CORO2B: variants seen among roughly 807,000 people sequenced by gnomAD.
CORO2B encodes coronin 2B.
Under a neutral mutation model 58.8 loss-of-function variants are expected in CORO2B, and 26 were observed. The ratio of observed to expected loss-of-function variants is 0.44; its 90% CI spans 0.32 to 0.61. The LOEUF (loss-of-function observed/expected upper bound fraction) is 0.61, where lower values mean the gene tolerates loss of function less well. Among genes scored for constraint, CORO2B ranks in the 20% least tolerant of loss-of-function variants. The pLI is 0.04. For synonymous variants in CORO2B, 242 were observed against 253.8 expected (o/e 0.95, Z 0.44); for missense variants, 460 against 645.1 (o/e 0.71, Z 3.11).
intron 1 of CORO2B, among the ~76,000 whole-genome samples, chr15:68,621,963 A>G (rs1900535637): frequency 6.6e-6 from 1 of 151,900 alleles, no homozygotes; most frequent in Admixed American, 6.6e-5. Context: ...ATAGGTTCTC[A>G]CTATGTTGCC....
chr15:68,662,026 A>AAATAAATAAATT (rs1555414693), intron 2 of CORO2B, among the ~76,000 whole-genome samples: 10 of 149,448 alleles, frequency 6.7e-5, no homozygotes, highest in African/African-American at 2.2e-4. Context: ...ATAAATAAAT[A>AAATAAATAAATT]AATTAATTAA....
chr15:68,718,777 G>C lies in CORO2B; in HGVS notation c.1047G>C (p.Leu349=), dbSNP rs1201632255. 2 of 1,614,186 alleles carry C rather than the reference G, an allele frequency of 1.2e-6. No homozygotes were observed. Among genetic ancestry groups the C allele is most frequent in the Non-Finnish European group, 1.7e-6 (2 of 1,180,010 alleles). ...ACAAGCTGGTGACTCTCAAGGGCCT[G>C]ATCGAGCCCATCTCCATGATCGTGC... is the stretch of plus-strand genomic sequence containing the variant. The part of the protein sequence containing the change: ...RFYKLVTLKG[L]IEPISMIVPR... The change falls in exon 9 of 12, where the codon CTG becomes CTC. Residue 349 remains leucine, a synonymous_variant. Coordinates refer to ENST00000261861, the MANE Select transcript of CORO2B (RefSeq NM_006091.5).
intron 1 of CORO2B, among the ~76,000 whole-genome samples, chr15:68,603,685 C>T (rs932193563): frequency 6.6e-6 from 1 of 152,164 alleles, no homozygotes; most frequent in Non-Finnish European, 1.5e-5. Context: ...ACTCTCTCCG[C>T]ATCTGCACAG....
At chr15:68,549,948 A>T in the CORO2B span, among the ~76,000 whole-genome samples, 4 of 139,688 alleles carry the variant, frequency 2.9e-5, no homozygotes, top group Admixed American at 2.2e-4. Flanking sequence ...CTCAAAAAAT[A>T]AAATAAAATA....
intron 1 of CORO2B, among the ~76,000 whole-genome samples, chr15:68,640,400 G>A (rs770536290): frequency 1.3e-5 from 2 of 152,036 alleles, no homozygotes; most frequent in Non-Finnish European, 2.9e-5. Context: ...AGTTTACAAG[G>A]GATACAGGAA....
chr15:68,645,108 C>A lies in CORO2B; in HGVS notation c.16-52C>A. ...CCTCCCCCAAGAGCCCAGCCGAGGC[C>A]CTTCATGGCACAGGGCCCAGCCTGA... On this transcript the variant is annotated intron_variant, in intron 1 of 11. Transcript: ENST00000261861. The surrounding 1 kb of genome is among the most constrained non-coding windows in gnomAD (Gnocchi z 4.5). 1.9e-6 allele frequency: 3 copies of A among 1,582,882 alleles called. No individual in the cohort carries two copies. The highest frequency in any genetic ancestry group is 2.6e-6 in the Non-Finnish European group (3 of 1,159,412).
chr15:68,527,664 T>C, the CORO2B span, among the ~76,000 whole-genome samples: 3 of 152,218 alleles, frequency 2.0e-5, no homozygotes, highest in Non-Finnish European at 4.4e-5. Flanking sequence ...CTTTTGCATA[T>C]AAATTTTACA....
At chr15:68,534,331 C>T in the CORO2B span, among the ~76,000 whole-genome samples, 13 of 151,318 alleles carry the variant, frequency 8.6e-5, no homozygotes, top group Admixed American at 3.9e-4. Context: ...TACACACATG[C>T]AGTCCTCTCC....
Position 68,579,234 on chromosome 15 carries a change from G to T in CORO2B, c.-29G>T. On this transcript the variant is annotated 5_prime_UTR_variant, in exon 1 of 12. Coordinates refer to ENST00000261861, the MANE Select transcript of CORO2B (RefSeq NM_006091.5). The stretch of plus-strand genomic sequence containing the variant: ...GCCGCCGCCCCCGCACGCCGCGCCC[G>T]CGCCCCCGCTCCGCCGCGGAGTTTC... 8.8e-7 allele frequency: 1 copy of T among 1,132,344 alleles called. No homozygotes were observed. The allele number at this position is 1,132,344 out of a possible 1,614,324, so 70.1% of individuals were successfully genotyped here. A position where few individuals can be genotyped will look rare whatever the true frequency, so the allele number is the denominator to read the frequency against.
the CORO2B span, chr15:68,559,669 T>A: frequency 1.0e-6 from 1 of 980,282 alleles, no homozygotes. The surrounding 1 kb of genome is among the most constrained non-coding windows in gnomAD (Gnocchi z 4.3). Flanking sequence ...TGGGCCTCCG[T>A]TTCCGGTTTT....
chr15:68,709,078 C>G (rs1892850716), intron 3 of CORO2B, among the ~76,000 whole-genome samples: 1 of 152,178 alleles, frequency 6.6e-6, no homozygotes, highest in Non-Finnish European at 1.5e-5. Context: ...TTACATTGTT[C>G]CTTTAATGTT....
At position 68,727,751 on chromosome 15, in the gene CORO2B, T is replaced by C. The variant is rs1893339474; in HGVS notation, c.*1777T>C. 6.6e-6 allele frequency: 1 copy of C among 152,636 alleles called. No individual in the cohort carries two copies. Among genetic ancestry groups the C allele is most frequent in the South Asian group, 2.1e-4 (1 of 4,832 alleles). The allele number at this position is 152,636 out of a possible 1,614,324, so 9.5% of individuals were successfully genotyped here. ...ATTGACCTTTGTGGTCTTCTGTGAT[T>C]ATTTATGCTGCCTCCCAAGGATAGA... On this transcript the variant is annotated 3_prime_UTR_variant, in exon 12 of 12. Transcript: ENST00000261861.
Position 68,719,452 on chromosome 15 carries a change from C to G in CORO2B, c.1211C>G (p.Ser404Cys), listed in dbSNP as rs1400602853. 1 of 1,614,016 alleles carries G rather than the reference C, an allele frequency of 6.2e-7. No homozygotes were observed. Among genetic ancestry groups the G allele is most frequent in the Non-Finnish European group, 8.5e-7 (1 of 1,179,988 alleles). Reference sequence around the variant, plus strand: ...TCTTTGAAAGAAGGCTATAAGAAGTCCTCAAAAATGGTATTTAAGGCTCCC... The same window carrying G: ...TCTTTGAAAGAAGGCTATAAGAAGTGCTCAAAAATGGTATTTAAGGCTCCC... ...LMSLKEGYKK[S>C]SKMVFKAPIK... The change falls in exon 11 of 12, where the codon TCC (serine) becomes TGC (cysteine). Residue 404 changes from serine to cysteine, a missense_variant. Transcript: ENST00000261861.
In CORO2B at chr15:68,645,466, T is replaced by G; in HGVS notation, c.216+106T>G. 1 of 1,053,008 alleles carries G rather than the reference T, an allele frequency of 9.5e-7. No homozygotes were observed. The highest frequency in any genetic ancestry group is 1.4e-6 in the Non-Finnish European group (1 of 734,772). The allele number at this position is 1,053,008 out of a possible 1,614,324, so 65.2% of individuals were successfully genotyped here. A position where few individuals can be genotyped will look rare whatever the true frequency, so the allele number is the denominator to read the frequency against. On this transcript the variant is annotated intron_variant, in intron 2 of 11. Coordinates refer to ENST00000261861, the MANE Select transcript of CORO2B (RefSeq NM_006091.5). The surrounding 1 kb of genome is among the most constrained non-coding windows in gnomAD (Gnocchi z 4.5). The stretch of plus-strand genomic sequence containing the variant: ...CCTACTTCTCTCTGAGTTCCCACCT[T>G]TTACTTCCTCATCAAGCATCTAGTG...
chr15:68,688,868 G>C (rs1286145861), intron 2 of CORO2B, among the ~76,000 whole-genome samples: 2 of 152,156 alleles, frequency 1.3e-5, no homozygotes, highest in Non-Finnish European at 2.9e-5. Context: ...CTGTCAAATG[G>C]ATCTCCGGAG....
intron 1 of CORO2B, among the ~76,000 whole-genome samples, chr15:68,631,465 G>A (rs763159252): frequency 1.3e-5 from 2 of 152,142 alleles, no homozygotes; most frequent in Admixed American, 6.5e-5. Flanking sequence ...AAGTGGTGGC[G>A]CTAGGATTTA....
In CORO2B at chr15:68,711,296, C is replaced by G. The variant is rs951556050; in HGVS notation, c.484-246C>G. 2.0e-5 allele frequency among the ~76,000 whole-genome samples: 3 copies of G among 152,190 alleles called. No individual in the cohort carries two copies. The East Asian group carries it at 5.8e-4, about 29-fold the overall frequency. ...ATGGGACCTGACAAGGAACATGTAT[C>G]CTTCTTGCTCTTCCATAAACTGAGC... On this transcript the variant is annotated intron_variant, in intron 4 of 11. Coordinates refer to ENST00000261861, the MANE Select transcript of CORO2B (RefSeq NM_006091.5).
intron 3 of CORO2B, among the ~76,000 whole-genome samples, chr15:68,698,317 G>C (rs557424728): frequency 2.6e-5 from 4 of 152,166 alleles, no homozygotes; most frequent in Non-Finnish European, 1.5e-5. Flanking sequence ...ATGTAGGGGG[G>C]ACAAATTAGA....
At chr15:68,558,448 G>A in the CORO2B span, among the ~76,000 whole-genome samples, 1 of 152,044 alleles carries the variant, frequency 6.6e-6, no homozygotes, top group Non-Finnish European at 1.5e-5. Flanking sequence ...GCTCACTGCA[G>A]CCTCAGTGAC....
Sources: gnomAD v4.1 joint callset for allele counts (sites outside exome capture counted in the v4.1 genomes callset) on GRCh38, gnomAD v4.1.1 for gene constraint, Gnocchi (gnomAD v3.1) non-coding constraint, MANE v1.5 for transcripts, NCBI Gene and HGNC (gene_info 2026-07-23, HGNC 2026-07-21) for gene names.